Variants in TMEM33 observed in about 807,000 individuals in gnomAD.
TMEM33 encodes the protein transmembrane protein 33.
In TMEM33, 16 loss-of-function variants were observed where a neutral mutation model predicts 29.7. The ratio of observed to expected loss-of-function variants is 0.54; its 90% confidence interval spans 0.36 to 0.82. The LOEUF (loss-of-function observed/expected upper bound fraction) is 0.82, where lower values mean the gene tolerates loss of function less well. Among genes scored for constraint, TMEM33 ranks in the 40% least tolerant of loss-of-function variants. The pLI is 0.00. For synonymous variants in TMEM33, 112 were observed against 109.4 expected (o/e 1.02, Z -0.15); for missense variants, 252 against 295.3 (o/e 0.85, Z 1.08).
At position 41,955,698 on chromosome 4, in the gene TMEM33, C is replaced by G. The variant is rs1713234244; in HGVS notation, c.*1499C>G. 1 of 152,586 alleles carries G rather than the reference C, an allele frequency of 6.6e-6. No homozygotes were observed. Among genetic ancestry groups the G allele is most frequent in the Non-Finnish European group, 1.5e-5 (1 of 68,022 alleles). The allele number at this position is 152,586 out of a possible 1,614,324, so 9.5% of individuals were successfully genotyped here. ...GTCCACTAAGCTGGAGAAGCAGCCT[C>G]ATACAGTTGATTTTGTGTATGTGGC... On this transcript the variant is annotated 3_prime_UTR_variant, in exon 7 of 7. Coordinates refer to ENST00000504986, the MANE Select transcript of TMEM33 (RefSeq NM_018126.3).
intron 6 of TMEM33, 112 bp from the exon 7 acceptor site, chr4:41,953,958 A>G (rs1713151752): frequency 7.2e-6 from 10 of 1,394,278 alleles, no homozygotes; most frequent in Non-Finnish European, 9.0e-6. Flanking sequence ...CGGTGTTGCA[A>G]CAAACCTTCA....
At chr4:41,942,268 CTT>C (rs1034907483) in intron 3 of TMEM33, among the ~76,000 whole-genome samples, 2 of 152,250 alleles carry the variant, frequency 1.3e-5, no homozygotes, top group East Asian at 1.9e-4. Context: ...AAATTTAAAA[CTT>C]TTTATATACA....
chr4:41,952,578 AG>A (rs1713087167), intron 6 of TMEM33, among the ~76,000 whole-genome samples: 1 of 152,178 alleles, frequency 6.6e-6, no homozygotes, highest in East Asian at 1.9e-4. Context: ...GTTAAGACAT[AG>A]GCAAAGCCCA....
chr4:41,937,088 T>C (rs1170658077), intron 1 of TMEM33, among the ~76,000 whole-genome samples: 3 of 151,754 alleles, frequency 2.0e-5, no homozygotes, highest in Non-Finnish European at 4.4e-5. Flanking sequence ...GGTTGGACAG[T>C]TTACTCTTAA....
intron 6 of TMEM33, among the ~76,000 whole-genome samples, chr4:41,952,634 C>T (rs1044697882): frequency 1.3e-5 from 2 of 151,972 alleles, no homozygotes; most frequent in East Asian, 1.9e-4. Flanking sequence ...ATGATAGGAG[C>T]GAGGGCAGGG....
chr4:41,941,066 T>G (rs1347317621), intron 3 of TMEM33, among the ~76,000 whole-genome samples: 1 of 152,216 alleles, frequency 6.6e-6, no homozygotes, highest in African/African-American at 2.4e-5. Flanking sequence ...CCTGGTAATT[T>G]CATTTAAATA....
At position 41,947,682 on chromosome 4, in the gene TMEM33, GT is replaced by G. The variant is rs531633989; in HGVS notation, c.531-1617del. 3.9e-4 allele frequency among the ~76,000 whole-genome samples: 60 copies of G among 152,258 alleles called. No individual in the cohort carries two copies. The South Asian group carries it at 0.012, about 31-fold the overall frequency. ...AAGCTGTTAATGCCTTAAGTAGGTA[GT>G]TTGAATATGACCTAAACAATAAAAT... On this transcript the variant is annotated intron_variant, in intron 5 of 6. Coordinates refer to ENST00000504986, the MANE Select transcript of TMEM33 (RefSeq NM_018126.3).
At chr4:41,936,468 G>A (rs1467009544) in intron 1 of TMEM33, among the ~76,000 whole-genome samples, 3 of 152,202 alleles carry the variant, frequency 2.0e-5, no homozygotes, top group Non-Finnish European at 4.4e-5. Flanking sequence ...GCTTGCGCCC[G>A]AGAAGTTGAA....
chr4:41,942,799 T>C (rs1712600559), intron 3 of TMEM33, among the ~76,000 whole-genome samples: 4 of 152,344 alleles, frequency 2.6e-5, no homozygotes, highest in Non-Finnish European at 4.4e-5. Context: ...TCTTTCCTTA[T>C]GTCTGTAATT....
At chr4:41,947,234 C>CA (rs527622236) in intron 5 of TMEM33, among the ~76,000 whole-genome samples, 308 of 126,538 alleles carry the variant, frequency 2.4e-3, no homozygotes, top group Admixed American at 2.6e-3. Context: ...GACTCCCTCT[C>CA]AAAAAAAAAA....
chr4:41,936,197 A>G (rs1028070224), intron 1 of TMEM33, among the ~76,000 whole-genome samples: 5 of 152,224 alleles, frequency 3.3e-5, no homozygotes, highest in African/African-American at 7.2e-5. Context: ...GCAAATTTCC[A>G]TAATTGTCCT....
At chr4:41,935,870 T>TCCATGACACACAC (rs1712206677) in intron 1 of TMEM33, among the ~76,000 whole-genome samples, 1 of 152,204 alleles carries the variant, frequency 6.6e-6, no homozygotes, top group African/African-American at 2.4e-5. Context: ...ATGACACACA[T>TCCATGACACACAC]GATCCATGAC....
At position 41,958,698 on chromosome 4, in the gene TMEM33, C is replaced by CTTTTTTTTTTTTTT. The variant is rs1560522125; in HGVS notation, c.*4500_*4501insTTTTTTTTTTTTTT. On this transcript the variant is annotated 3_prime_UTR_variant, in exon 7 of 7. Transcript: ENST00000504986. ...TTGTAGAGACAACTAGTTTCTCTCG[C>CTTTTTTTTTTTTTT]TCTTTTTTTTTTTTTTTTTTTTTTT... The CTTTTTTTTTTTTTT allele has an allele frequency of 7.5e-6, 1 of 132,476 alleles. No homozygotes were observed. The highest frequency in any genetic ancestry group is 3.1e-5 in the African/African-American group (1 of 31,816). 8.2% of individuals were successfully genotyped at this position (132,476 alleles called of 1,614,324 possible).
chr4:41,941,362 G>A (rs1444001647), intron 3 of TMEM33, among the ~76,000 whole-genome samples: 2 of 152,228 alleles, frequency 1.3e-5, no homozygotes, highest in Non-Finnish European at 2.9e-5. Flanking sequence ...GCTATAACGG[G>A]AAGTTATGTA....
chr4:41,935,377 G>A (rs1712169166), upstream of TMEM33: 3 of 1,225,562 alleles, frequency 2.4e-6, no homozygotes, highest in South Asian at 3.9e-5. Flanking sequence ...TGTGTGTGGC[G>A]CGAGGCAGGG....
chr4:41,935,379 G>A (rs568132283), upstream of TMEM33: 145 of 1,245,042 alleles, frequency 1.2e-4, no homozygotes, highest in Non-Finnish European at 1.6e-4. Context: ...TGTGTGGCGC[G>A]AGGCAGGGAA....
At chr4:41,949,654 T>G (rs1303844459) in intron 6 of TMEM33, among the ~76,000 whole-genome samples, 1 of 152,158 alleles carries the variant, frequency 6.6e-6, no homozygotes, top group African/African-American at 2.4e-5. Flanking sequence ...AGACATAGAT[T>G]CCACTCTCAA....
chr4:41,953,926 G>T, intron 6 of TMEM33, 144 bp from the exon 7 acceptor site: 1 of 916,620 alleles, frequency 1.1e-6, no homozygotes, highest in Non-Finnish European at 1.7e-6. Flanking sequence ...TTGGAAAGTG[G>T]CACTGATAGT....
intron 5 of TMEM33, among the ~76,000 whole-genome samples, chr4:41,948,002 G>A (rs1380339862): frequency 6.6e-6 from 1 of 152,150 alleles, no homozygotes; most frequent in Non-Finnish European, 1.5e-5. Flanking sequence ...ATTTGAAGCT[G>A]TAAAAAAGAT....
Sources: gnomAD v4.1 joint callset for allele counts (sites outside exome capture counted in the v4.1 genomes callset) on GRCh38, gnomAD v4.1.1 for gene constraint, MANE v1.5 for transcripts, NCBI Gene and HGNC (gene_info 2026-07-23, HGNC 2026-07-21) for gene names.